DNAH11: variants seen among roughly 807,000 people sequenced by gnomAD.
DNAH11 encodes dynein axonemal heavy chain 11.
A neutral mutation model predicts 526.0 loss-of-function variants in DNAH11; 442 were observed. That is an observed-to-expected ratio of 0.84 (90% CI 0.78 to 0.91). DNAH11 has a LOEUF of 0.91. DNAH11 is among the 40% of genes least tolerant of loss of function. The pLI, the probability that DNAH11 is intolerant of heterozygous loss-of-function variation, is 0.00. For missense variants in DNAH11, 6,989 were observed against 5,448.7 expected, an observed-to-expected ratio of 1.28 and a Z score of -8.90; for synonymous variants, 2,461 against 1,935.9, an observed-to-expected ratio of 1.27 and a Z score of -7.12.
At position 21,589,147 on chromosome 7, in the gene DNAH11, T is replaced by C. The variant is rs1043469512; in HGVS notation, c.1974-61T>C. The C allele has an allele frequency of 7.7e-6, 10 of 1,298,874 alleles. No individual in the cohort carries two copies. The African/African-American group carries it at 1.2e-4, about 16-fold the overall frequency. The allele number at this position is 1,298,874 out of a possible 1,614,324, so 80.5% of individuals were successfully genotyped here. ...TTTTATATATTGTATTACTATACAA[T>C]TATTAAGCGGAAATCTATCTAATAT... On this transcript the variant is annotated intron_variant, in intron 11 of 81. Coordinates refer to ENST00000409508, the MANE Select transcript of DNAH11 (RefSeq NM_001277115.2).
chr7:21,680,661 A>G (rs758792194), intron 30 of DNAH11, among the ~76,000 whole-genome samples: 4 of 152,216 alleles, frequency 2.6e-5, no homozygotes, highest in Non-Finnish European at 5.9e-5. Flanking sequence ...ATTCCATTTT[A>G]TTCCTTTCCA....
In DNAH11 at chr7:21,564,416, C is replaced by G; in HGVS notation, c.1194+19C>G. The stretch of plus-strand genomic sequence containing the variant: ...TAACCAGGTATGAAGCATCAAAAAA[C>G]AGGAACAATAAGAATTGTTGCTGTG... On this transcript the variant is annotated intron_variant, in intron 6 of 81. Coordinates refer to ENST00000409508, the MANE Select transcript of DNAH11 (RefSeq NM_001277115.2). 1 of 1,582,462 alleles carries G rather than the reference C, an allele frequency of 6.3e-7. No individual in the cohort carries two copies. Among genetic ancestry groups the G allele is most frequent in the Non-Finnish European group, 8.7e-7 (1 of 1,155,872 alleles).
At chr7:21,623,418 G>A (rs1422623160) in intron 25 of DNAH11, among the ~76,000 whole-genome samples, 1 of 152,132 alleles carries the variant, frequency 6.6e-6, no homozygotes, top group Non-Finnish European at 1.5e-5. Context: ...AATTCCTCAG[G>A]GATCTAGAAC....
intron 44 of DNAH11, among the ~76,000 whole-genome samples, chr7:21,722,731 C>T (rs374064281): frequency 6.6e-6 from 1 of 152,130 alleles, no homozygotes; most frequent in South Asian, 2.1e-4. Flanking sequence ...ATGTGGCTTT[C>T]TCAGAGGCAC....
Position 21,892,454 on chromosome 7 carries a change from T to G in DNAH11, c.12537T>G (p.Gly4179=). The G allele has an allele frequency of 6.2e-7, 1 of 1,612,012 alleles. No individual in the cohort carries two copies. The highest frequency in any genetic ancestry group is 8.5e-7 in the Non-Finnish European group (1 of 1,178,446). The part of the protein sequence containing the change: ...LTEDELMLAP[G]FAAPPYLDYA... Reference sequence around the variant, plus strand: ...AAGATGAACTGATGCTGGCACCAGGTTTTGCTGCCCCACCCTACCTAGATT... The same window carrying G: ...AAGATGAACTGATGCTGGCACCAGGGTTTGCTGCCCCACCCTACCTAGATT... Residue 4179 remains glycine, a synonymous_variant, in exon 77 of 82, where the codon GGT becomes GGG. Coordinates refer to ENST00000409508, the MANE Select transcript of DNAH11 (RefSeq NM_001277115.2).
intron 61 of DNAH11, among the ~76,000 whole-genome samples, chr7:21,793,714 A>C (rs1308924605): frequency 2.0e-5 from 3 of 151,870 alleles, no homozygotes; most frequent in Non-Finnish European, 4.4e-5. Context: ...GTTTATCATT[A>C]ATGTTTCTTT....
intron 42 of DNAH11, among the ~76,000 whole-genome samples, chr7:21,717,481 AG>A (rs1190510582): frequency 6.6e-6 from 1 of 152,210 alleles, no homozygotes; most frequent in Non-Finnish European, 1.5e-5. Flanking sequence ...GAAATGACAT[AG>A]TGCACTTCCT....
At chr7:21,597,590 G>C (rs1393480258) in intron 14 of DNAH11, among the ~76,000 whole-genome samples, 1 of 152,094 alleles carries the variant, frequency 6.6e-6, no homozygotes, top group Non-Finnish European at 1.5e-5. Flanking sequence ...AGAGCAAAGG[G>C]GAAGAAACAC....
intron 30 of DNAH11, among the ~76,000 whole-genome samples, chr7:21,670,498 T>C (rs1782601877): frequency 6.6e-6 from 1 of 152,180 alleles, no homozygotes; most frequent in South Asian, 2.1e-4. Context: ...AGTTTTCTTC[T>C]CTTCCATTCT....
intron 9 of DNAH11, among the ~76,000 whole-genome samples, chr7:21,584,223 G>A (rs1017181576): frequency 6.6e-6 from 1 of 152,154 alleles, no homozygotes; most frequent in African/African-American, 2.4e-5. Context: ...TGTGGCACAT[G>A]TACACCATGG....
chr7:21,549,330 C>T (rs1188838287), intron 2 of DNAH11, among the ~76,000 whole-genome samples: 2 of 152,200 alleles, frequency 1.3e-5, no homozygotes, highest in African/African-American at 4.8e-5. Context: ...ATAACACTTA[C>T]TCTTGTTGAG....
At position 21,862,084 on chromosome 7, in the gene DNAH11, T is replaced by C. The variant is rs1783085718; in HGVS notation, c.11373+61T>C. The C allele has an allele frequency of 4.9e-6, 7 of 1,439,302 alleles. No individual in the cohort carries two copies. In the South Asian group the frequency reaches 5.6e-5, roughly 12 times the overall value. The allele number at this position is 1,439,302 out of a possible 1,614,324, so 89.2% of individuals were successfully genotyped here. On this transcript the variant is annotated intron_variant, in intron 69 of 81. Coordinates refer to ENST00000409508, the MANE Select transcript of DNAH11 (RefSeq NM_001277115.2). ...AACCAAAGGCAGATGCCTCTGTTTATTATATATTTTATTTCTGCTGAAGCA... is the reference window on the plus strand; with the variant it reads ...AACCAAAGGCAGATGCCTCTGTTTACTATATATTTTATTTCTGCTGAAGCA...
intron 44 of DNAH11, among the ~76,000 whole-genome samples, chr7:21,722,964 A>G (rs1784940157): frequency 6.6e-6 from 1 of 152,130 alleles, no homozygotes; most frequent in Non-Finnish European, 1.5e-5. Flanking sequence ...TTCCAAATGT[A>G]TCAGCCTTAC....
At chr7:21,750,189 T>C (rs1437614939) in intron 53 of DNAH11, 33 bp from the exon 54 acceptor site, 4 of 1,547,284 alleles carry the variant, frequency 2.6e-6, no homozygotes, top group Middle Eastern at 1.7e-4. Context: ...ATTGCAATGA[T>C]CTTTTAGTAA....
rs777423221 is a variant in DNAH11 at position 21,600,754 on chromosome 7, G to A, written c.3079G>A (p.Val1027Ile). The A allele has an allele frequency of 3.7e-6, 6 of 1,613,700 alleles. No individual in the cohort carries two copies. Among genetic ancestry groups the A allele is most frequent in the Non-Finnish European group, 5.1e-6 (6 of 1,179,844 alleles). ...MNRVVNVINK[V>I]LDFRNTLETH... The stretch of plus-strand genomic sequence containing the variant: ...CAGAGTGGTGAATGTCATCAACAAA[G>A]TCTTAGATTTCAGAAACACCCTGGA... The change falls in exon 16 of 82, where the codon GTC (valine) becomes ATC (isoleucine). Residue 1027 changes from valine (V) to isoleucine (I), a missense_variant. Coordinates refer to ENST00000409508, the MANE Select transcript of DNAH11 (RefSeq NM_001277115.2).
At chr7:21,707,175 A>C (rs1357628478) in intron 39 of DNAH11, among the ~76,000 whole-genome samples, 1 of 152,198 alleles carries the variant, frequency 6.6e-6, no homozygotes, top group African/African-American at 2.4e-5. Context: ...TCTAGGTCTC[A>C]AAGCATGGCC....
At chr7:21,800,328 A>C (rs533817584) in intron 61 of DNAH11, among the ~76,000 whole-genome samples, 7 of 152,066 alleles carry the variant, frequency 4.6e-5, no homozygotes, top group Non-Finnish European at 1.0e-4. Context: ...TTCAGTCCCT[A>C]CGTCCAGAAG....
intron 37 of DNAH11, among the ~76,000 whole-genome samples, chr7:21,704,205 T>A (rs1203735674): frequency 6.6e-6 from 1 of 152,224 alleles, no homozygotes; most frequent in East Asian, 1.9e-4. Flanking sequence ...AAGGCCTCTT[T>A]GCTGTTCTTA....
chr7:21,807,724 C>G (rs547213766), intron 62 of DNAH11, among the ~76,000 whole-genome samples, 159 bp from the exon 63 acceptor site: 3 of 152,274 alleles, frequency 2.0e-5, no homozygotes, highest in African/African-American at 7.2e-5. Flanking sequence ...ATTTCAAACA[C>G]ATGAAAGATT....
Sources: allele counts gnomAD v4.1 joint callset (sites outside exome capture counted in the v4.1 genomes callset), GRCh38; gene constraint gnomAD v4.1.1; transcripts MANE v1.5; gene names NCBI Gene and HGNC (gene_info 2026-07-23, HGNC 2026-07-21).